The following TRPM8 variants were observed in gnomAD, a reference collection of about 807,000 sequenced individuals.
The protein encoded by TRPM8 is TRPM8 cationic channel.
Under a neutral mutation model 133.7 loss-of-function variants are expected in TRPM8, and 110 were observed. The ratio of observed to expected loss-of-function variants is 0.82; its 90% CI spans 0.70 to 0.96. The LOEUF (loss-of-function observed/expected upper bound fraction) is 0.96, where lower values mean the gene tolerates loss of function less well. Ranked by LOEUF, TRPM8 falls within the 40% of genes least tolerant of loss-of-function variation. The pLI, the probability that TRPM8 is intolerant of heterozygous loss-of-function variation, is 0.00. For missense variants in TRPM8, 1,291 were observed against 1,379.5 expected, an observed-to-expected ratio of 0.94 and a Z score of 1.02; for synonymous variants, 535 against 532.3, an observed-to-expected ratio of 1.01 and a Z score of -0.07.
intron 24 of TRPM8, among the ~76,000 whole-genome samples, chr2:234,011,561 A>G (rs1387186649): frequency 6.6e-6 from 1 of 152,142 alleles, no homozygotes; most frequent in Non-Finnish European, 1.5e-5. Flanking sequence ...TAGAATGGAT[A>G]TTTTGGCAAT....
chr2:233,961,029 A>T lies in TRPM8; in HGVS notation c.1616A>T (p.Asp539Val). 1 of 1,614,188 alleles carries T rather than the reference A, an allele frequency of 6.2e-7. No individual in the cohort carries two copies. The highest frequency in any genetic ancestry group is 8.5e-7 in the Non-Finnish European group (1 of 1,180,040). ...ANFRRGFRKE[D>V]RNGRDEMDIE... ...TTCCGAAGAGGCTTCCGGAAGGAAG[A>T]CAGAAATGGCCGGGACGAGATGGAC... is the stretch of plus-strand genomic sequence containing the variant. The change falls in exon 12 of 26, where the codon GAC (aspartate) becomes GTC (valine). Residue 539 changes from aspartate to valine, a missense_variant. Physicochemically the swap from Asp to Val is radical, Grantham distance 152. This residue lies in a region of TRPM8 where 963 missense variants were observed against 968.9 expected (regional missense o/e 0.99). Transcript: ENST00000324695.
intron 9 of TRPM8, among the ~76,000 whole-genome samples, chr2:233,952,324 G>T (rs925848305): frequency 2.0e-4 from 31 of 152,144 alleles, no homozygotes; most frequent in African/African-American, 7.5e-4. Flanking sequence ...CGAAATGGGT[G>T]TTTGGAAGAA....
rs931502296 is a variant in TRPM8 at position 234,012,476 on chromosome 2, A to AGT, written c.3265-2066_3265-2065dup. Among the ~76,000 whole-genome samples the AGT allele has an allele frequency of 1.1e-3, 156 of 146,174 alleles. 2 individuals carry two copies. The highest frequency in any genetic ancestry group is 3.3e-3 in the East Asian group (16 of 4,864). ...AACAGTTTTTTTTTGTGTGTGTGAG[A>AGT]GTGTGTGTGTGTGTGTGTGTGAGTG... is the stretch of plus-strand genomic sequence containing the variant. On this transcript the variant is annotated intron_variant, in intron 24 of 25. Coordinates refer to ENST00000324695, the MANE Select transcript of TRPM8 (RefSeq NM_024080.5).
chr2:233,938,970 C>G, intron 4 of TRPM8, 28 bp from the exon 5 acceptor site: 2 of 1,613,078 alleles, frequency 1.2e-6, no homozygotes, highest in Non-Finnish European at 1.7e-6. Flanking sequence ...ACAGGCCTAT[C>G]CTGATACTTC....
At chr2:234,000,377 G>C (rs1692525101) in intron 22 of TRPM8, among the ~76,000 whole-genome samples, 1 of 152,120 alleles carries the variant, frequency 6.6e-6, no homozygotes, top group East Asian at 1.9e-4. Context: ...CCAAAGTGCT[G>C]GGATTACAGG....
rs1465314590 is a variant in TRPM8 at position 234,018,229 on chromosome 2, G to T, written c.*973G>T. 6.6e-6 allele frequency: 1 copy of T among 151,758 alleles called. No individual in the cohort carries two copies. Among genetic ancestry groups the T allele is most frequent in the African/African-American group, 2.4e-5 (1 of 41,320 alleles). 9.4% of individuals were successfully genotyped at this position (151,758 alleles called of 1,614,324 possible). ...TTTCACTTAGTATTTTATCAAATAT[G>T]TTTTTATTATATTCATAGCCTTCTT... On this transcript the variant is annotated 3_prime_UTR_variant, in exon 26 of 26. Transcript: ENST00000324695.
At position 234,018,735 on chromosome 2, in the gene TRPM8, C is replaced by T. The variant is rs1054723816; in HGVS notation, c.*1479C>T. The T allele has an allele frequency of 3.3e-5, 5 of 151,920 alleles. No individual in the cohort carries two copies. Among genetic ancestry groups the T allele is most frequent in the Admixed American group, 3.3e-4 (5 of 15,268 alleles). The allele number at this position is 151,920 out of a possible 1,614,324, so 9.4% of individuals were successfully genotyped here. A position where few individuals can be genotyped will look rare whatever the true frequency, so the allele number is the denominator to read the frequency against. The stretch of plus-strand genomic sequence containing the variant: ...TGGTGCACTCCTGTAATCCCAGCTA[C>T]TCAGAAGGCTGAGGTACAAGAATTG... On this transcript the variant is annotated 3_prime_UTR_variant, in exon 26 of 26. Coordinates refer to ENST00000324695, the MANE Select transcript of TRPM8 (RefSeq NM_024080.5).
At chr2:233,978,269 TA>T (rs1039462747) in intron 17 of TRPM8, among the ~76,000 whole-genome samples, 2 of 151,498 alleles carry the variant, frequency 1.3e-5, no homozygotes, top group East Asian at 3.9e-4. Flanking sequence ...CCTTCTTTGT[TA>T]GTCTCCCTAC....
Position 234,019,101 on chromosome 2 carries a change from A to C in TRPM8, c.*1845A>C, listed in dbSNP as rs200518823. On this transcript the variant is annotated 3_prime_UTR_variant, in exon 26 of 26. Coordinates refer to ENST00000324695, the MANE Select transcript of TRPM8 (RefSeq NM_024080.5). ...ACTAAAAGATCTAATTTGAAAAACT[A>C]CAAAAGCATTAACTAAAAAAGTTTA... The C allele has an allele frequency of 2.0e-5, 3 of 152,220 alleles. No homozygotes were observed. The highest frequency in any genetic ancestry group is 4.4e-5 in the Non-Finnish European group (3 of 68,042). 9.4% of individuals were successfully genotyped at this position (152,220 alleles called of 1,614,324 possible). A position where few individuals can be genotyped will look rare whatever the true frequency, so the allele number is the denominator to read the frequency against.
chr2:233,985,083 G>GAAA (rs11305740), intron 20 of TRPM8, among the ~76,000 whole-genome samples: 1,491 of 146,398 alleles, frequency 0.01, 14 homozygotes, highest in African/African-American at 0.025. Flanking sequence ...GATTCTGTCT[G>GAAA]AAAAAAAAAA....
At chr2:233,939,208 C>G (rs768701235) in intron 5 of TRPM8, 33 bp downstream of exon 5, 1 of 1,608,652 alleles carries the variant, frequency 6.2e-7, no homozygotes, top group South Asian at 1.1e-5. Context: ...CGGGTTCTTC[C>G]ATTCGGGCTG....
At position 234,006,890 on chromosome 2, in the gene TRPM8, G is replaced by T. The variant is rs763393790; in HGVS notation, c.3168G>T (p.Glu1056Asp). The T allele has an allele frequency of 6.2e-7, 1 of 1,613,932 alleles. No individual in the cohort carries two copies. The highest frequency in any genetic ancestry group is 2.2e-5 in the East Asian group (1 of 44,872). Residue 1056 changes from glutamate (E) to aspartate (D), a missense_variant, in exon 23 of 26, where the codon GAG becomes GAT. Physicochemically the swap from Glu to Asp is conservative, Grantham distance 45. Coordinates refer to ENST00000324695, the MANE Select transcript of TRPM8 (RefSeq NM_024080.5). ...AAGACAATGAGACTCTGGCATGGGA[G>T]GGTGTCATGAAGGAAAACTACCTTG... is the stretch of plus-strand genomic sequence containing the variant. Reference protein sequence around the residue: ...KNEDNETLAWEGVMKENYLVK... With the variant: ...KNEDNETLAWDGVMKENYLVK...
intron 17 of TRPM8, among the ~76,000 whole-genome samples, chr2:233,970,765 G>A (rs1029613959): frequency 5.9e-5 from 9 of 152,158 alleles, no homozygotes; most frequent in African/African-American, 1.2e-4. Context: ...TGCCATTACC[G>A]TGGCATGATA....
chr2:233,958,365 G>T (rs4663344), intron 11 of TRPM8, among the ~76,000 whole-genome samples: 26,598 of 152,122 alleles, frequency 0.17, 3,034 homozygotes, highest in East Asian at 0.33. Context: ...TGTGACTGAC[G>T]GCAAAGCCTC....
intron 9 of TRPM8, 75 bp downstream of exon 9, chr2:233,950,221 C>G (rs946396235): frequency 2.2e-6 from 3 of 1,387,958 alleles, no homozygotes; most frequent in Admixed American, 2.0e-5. Context: ...CCTTAAACGC[C>G]CAACTCCACC....
chr2:233,951,794 G>C (rs1348325309), intron 9 of TRPM8, among the ~76,000 whole-genome samples: 1 of 152,170 alleles, frequency 6.6e-6, no homozygotes, highest in Non-Finnish European at 1.5e-5. Context: ...GGGTTTTGCA[G>C]TTGGTACAGA....
chr2:233,991,381 T>C (rs893479223), intron 21 of TRPM8, among the ~76,000 whole-genome samples: 1 of 152,186 alleles, frequency 6.6e-6, no homozygotes, highest in Non-Finnish European at 1.5e-5. Flanking sequence ...ACCTGCTTTT[T>C]TGATGTTGCA....
intron 24 of TRPM8, chr2:234,013,860 A>C (rs1319113900): frequency 6.6e-6 from 1 of 151,948 alleles, no homozygotes; most frequent in Non-Finnish European, 1.5e-5. Context: ...TTTTTCTTTT[A>C]TTTTTAAACA....
intron 17 of TRPM8, among the ~76,000 whole-genome samples, chr2:233,977,336 T>G (rs1368705412): frequency 6.6e-6 from 1 of 152,226 alleles, no homozygotes. Context: ...TGAATACAGC[T>G]TATCCCAGGC....
Sources: allele counts gnomAD v4.1 joint callset (sites outside exome capture counted in the v4.1 genomes callset), GRCh38; gene constraint gnomAD v4.1.1; regional missense constraint gnomAD v4.1.1; transcripts MANE v1.5; gene names NCBI Gene and HGNC (gene_info 2026-07-23, HGNC 2026-07-21).